The following FILIP1 variants were observed in gnomAD, a reference collection of about 807,000 sequenced individuals.
The protein encoded by FILIP1 is filamin A interacting protein 1.
In FILIP1, 61 loss-of-function variants were observed where a neutral mutation model predicts 102.1. That is an observed-to-expected ratio of 0.60 (90% CI 0.49 to 0.74). The LOEUF is 0.74. FILIP1 is among the 30% of genes least tolerant of loss of function. The probability of loss-of-function intolerance (pLI) is 0.00; values close to 1 mark genes in which losing one functional copy is unlikely to be tolerated. For missense variants in FILIP1, 1,314 were observed against 1,441.2 expected, an observed-to-expected ratio of 0.91 and a Z score of 1.43; for synonymous variants, 491 against 526.9, an observed-to-expected ratio of 0.93 and a Z score of 0.93.
Position 75,308,794 on chromosome 6 carries a change from T to C in FILIP1, c.3539A>G (p.Asn1180Ser). ...AGCTCGAGGCTCGAATTTGGTCAGA[T>C]TTCCTGCTCCTGGGGCTGCCACTAC... is the stretch of plus-strand genomic sequence containing the variant. ...KPVVAAPGAG[N>S]LTKFEPRAET... Residue 1180 changes from asparagine (N) to serine (S), a missense_variant, in exon 6 of 6, where the codon AAT (asparagine) becomes AGT (serine). By Grantham distance (46) the Asn-to-Ser change is conservative (BLOSUM62 1). Coordinates refer to ENST00000237172, the MANE Select transcript of FILIP1 (RefSeq NM_015687.5). The C allele has an allele frequency of 1.9e-6, 3 of 1,614,122 alleles. No individual in the cohort carries two copies. The highest frequency in any genetic ancestry group is 2.5e-6 in the Non-Finnish European group (3 of 1,180,008).
intron 2 of FILIP1, among the ~76,000 whole-genome samples, chr6:75,391,201 C>G (rs755713571): frequency 6.6e-5 from 10 of 151,988 alleles, no homozygotes; most frequent in Non-Finnish European, 1.3e-4. Context: ...CCTTCTCATT[C>G]AGCTTAAATT....
At chr6:75,451,454 A>T (rs976796031) in intron 1 of FILIP1, among the ~76,000 whole-genome samples, 6 of 152,024 alleles carry the variant, frequency 3.9e-5, no homozygotes, top group Admixed American at 6.6e-5. Context: ...ATAAAAATAT[A>T]TTTAACCTCA....
rs74753780 is a variant in FILIP1, at chr6:75,482,798, T to C, written c.-7+10616A>G. On this transcript the variant is annotated intron_variant, in intron 1 of 5. Transcript: ENST00000237172. ...CCATGTTTATCAAGGAAACATTATGTTCACTTCAATCAATGGAAACTGGTC... is the reference window on the plus strand; with the variant it reads ...CCATGTTTATCAAGGAAACATTATGCTCACTTCAATCAATGGAAACTGGTC... Among the ~76,000 whole-genome samples the C allele has an allele frequency of 8.0e-3, 1,224 of 152,312 alleles. 7 individuals carry two copies. Among genetic ancestry groups the C allele is most frequent in the Non-Finnish European group, 0.014 (949 of 68,024 alleles).
At position 75,302,678 on chromosome 6, in the gene FILIP1, C is replaced by T. The variant is rs145323680; in HGVS notation, c.3493+6162G>A. 2.6e-4 allele frequency among the ~76,000 whole-genome samples: 39 copies of T among 152,126 alleles called. No individual in the cohort carries two copies. In the East Asian group the frequency reaches 7.0e-3, roughly 27 times the overall value. ...ATTTAAGCCTGGAGTGTGGGGGTCC[C>T]GCCAAGGGAAGGGAAAGATGCTCAG... is the stretch of plus-strand genomic sequence containing the variant. On this transcript the variant is annotated intron_variant, in intron 6 of 6. Coordinates refer to the FILIP1 transcript ENST00000393004.
chr6:75,302,214 C>G (rs976591869), intron 6 of FILIP1, among the ~76,000 whole-genome samples: 1 of 152,116 alleles, frequency 6.6e-6, no homozygotes, highest in Non-Finnish European at 1.5e-5. Context: ...GCTGTTGTGC[C>G]TTTGGAGGGA....
chr6:75,472,091 A>C (rs1779349367), intron 1 of FILIP1, among the ~76,000 whole-genome samples: 1 of 152,162 alleles, frequency 6.6e-6, no homozygotes, highest in South Asian at 2.1e-4. Context: ...AAACTGGTGA[A>C]ATTAGTGAAA....
intron 1 of FILIP1, among the ~76,000 whole-genome samples, chr6:75,433,563 CTGGATATTAGCCCTTTGTAAGA>C (rs1404655143): frequency 6.6e-6 from 1 of 152,180 alleles, no homozygotes; most frequent in South Asian, 2.1e-4. Flanking sequence ...TTTTTAGATT[CTGGATATTAGCCCTTTGTAAGA>C]TGGATAGATT....
At chr6:75,388,339 G>A (rs1776169211) in intron 2 of FILIP1, among the ~76,000 whole-genome samples, 1 of 152,078 alleles carries the variant, frequency 6.6e-6, no homozygotes, top group Non-Finnish European at 1.5e-5. Flanking sequence ...TGTTCTTTTT[G>A]CTTAGGATTT....
At chr6:75,430,470 A>G (rs1562588247) in intron 1 of FILIP1, among the ~76,000 whole-genome samples, 1 of 152,150 alleles carries the variant, frequency 6.6e-6, no homozygotes, top group East Asian at 1.9e-4. Flanking sequence ...CATATCAAAA[A>G]ACAGAAAAAA....
chr6:75,293,250 T>G (rs1436301903), exon 7 of FILIP1: 1 of 152,218 alleles, frequency 6.6e-6, no homozygotes, highest in Admixed American at 6.5e-5. Flanking sequence ...TTTAGAATGA[T>G]GACTGGAGAC....
exon 7 of FILIP1, chr6:75,293,566 CTGAT>C (rs1210091708): frequency 1.3e-5 from 2 of 152,138 alleles, no homozygotes; most frequent in East Asian, 1.9e-4. Context: ...CTAAATGACT[CTGAT>C]TGCACCATCA....
At chr6:75,412,292 C>T (rs1777102996) in intron 2 of FILIP1, among the ~76,000 whole-genome samples, 1 of 152,080 alleles carries the variant, frequency 6.6e-6, no homozygotes, top group Non-Finnish European at 1.5e-5. Context: ...GCTGATGTTG[C>T]TTATCAGGTT....
At chr6:75,479,993 G>A (rs977582208) in intron 1 of FILIP1, among the ~76,000 whole-genome samples, 1 of 150,276 alleles carries the variant, frequency 6.7e-6, no homozygotes. Context: ...TTTTTCTTCA[G>A]TGTAAAAGTT....
At chr6:75,396,706 C>T (rs1340358210) in intron 2 of FILIP1, among the ~76,000 whole-genome samples, 2 of 152,042 alleles carry the variant, frequency 1.3e-5, no homozygotes, top group Non-Finnish European at 2.9e-5. Flanking sequence ...TCCTGTCTCA[C>T]AGGCTACAAA....
rs201678065 is a variant in FILIP1 at position 75,414,811 on chromosome 6, A to C, written c.162T>G (p.Thr54=). 6.2e-7 allele frequency: 1 copy of C among 1,613,872 alleles called. No individual in the cohort carries two copies. Among genetic ancestry groups the C allele is most frequent in the African/African-American group, 1.3e-5 (1 of 75,002 alleles). Residue 54 remains threonine, a synonymous_variant, in exon 2 of 6, where the codon ACT becomes ACG. Transcript: ENST00000237172. ...RKEDDVMASG[T]VKRHLKTSGE... is the part of the protein sequence containing the mutation. Reference sequence around the variant, plus strand: ...CAGATGTTTTTAGGTGTCGTTTGACAGTTCCTGAGGCCATGACATCATCCT... The same window carrying C: ...CAGATGTTTTTAGGTGTCGTTTGACCGTTCCTGAGGCCATGACATCATCCT...
chr6:75,441,112 A>C (rs1020924131), intron 1 of FILIP1, among the ~76,000 whole-genome samples: 3 of 151,578 alleles, frequency 2.0e-5, no homozygotes, highest in African/African-American at 7.3e-5. Context: ...TGGTTTTCCT[A>C]GGCAGAGGAC....
intron 1 of FILIP1, among the ~76,000 whole-genome samples, chr6:75,490,637 T>TTGTGTGTGTGTGTG (rs59493141): frequency 2.0e-5 from 3 of 147,906 alleles, no homozygotes; most frequent in African/African-American, 7.5e-5. Flanking sequence ...TACACAGGAT[T>TTGTGTGTGTGTGTG]TGTGTGTGTG....
At chr6:75,412,781 G>C (rs994881865) in intron 2 of FILIP1, among the ~76,000 whole-genome samples, 1 of 152,114 alleles carries the variant, frequency 6.6e-6, no homozygotes, top group Non-Finnish European at 1.5e-5. Context: ...ATGTGTGTGT[G>C]CATATATATA....
intron 4 of FILIP1, among the ~76,000 whole-genome samples, chr6:75,342,512 C>T (rs1475727326): frequency 2.6e-5 from 4 of 152,214 alleles, no homozygotes; most frequent in Non-Finnish European, 4.4e-5. Flanking sequence ...TAGTTAATTA[C>T]GGGTATGCTC....
Sources: allele counts gnomAD v4.1 joint callset (sites outside exome capture counted in the v4.1 genomes callset), GRCh38; gene constraint gnomAD v4.1.1; transcripts MANE v1.5; gene names NCBI Gene and HGNC (gene_info 2026-07-23, HGNC 2026-07-21).